The following ANKRD12 variants were observed in gnomAD, a reference collection of about 807,000 sequenced individuals.
ANKRD12 encodes the protein ankyrin repeat domain-containing protein 12.
A neutral mutation model predicts 183.4 loss-of-function variants in ANKRD12; 85 were observed. That is an observed-to-expected ratio of 0.46 (90% CI 0.39 to 0.56). The LOEUF is 0.56. Ranked by LOEUF, ANKRD12 falls within the 20% of genes least tolerant of loss-of-function variation. The pLI, the probability that ANKRD12 is intolerant of heterozygous loss-of-function variation, is 0.00. For missense variants in ANKRD12, 2,405 were observed against 2,357.1 expected, an observed-to-expected ratio of 1.02 and a Z score of -0.42; for synonymous variants, 914 against 800.2, an observed-to-expected ratio of 1.14 and a Z score of -2.40.
intron 1 of ANKRD12, among the ~76,000 whole-genome samples, chr18:9,150,285 T>TA (rs2078642983): frequency 6.6e-6 from 1 of 152,198 alleles, no homozygotes; most frequent in Non-Finnish European, 1.5e-5. Context: ...TTTATCTCGT[T>TA]TCGTCTACCA....
At chr18:9,172,467 G>T (rs993761245) in intron 1 of ANKRD12, among the ~76,000 whole-genome samples, 5 of 152,056 alleles carry the variant, frequency 3.3e-5, no homozygotes, top group Non-Finnish European at 7.4e-5. Context: ...ATTTCAGAAA[G>T]ACAGTTTTCA....
intron 10 of ANKRD12, among the ~76,000 whole-genome samples, chr18:9,272,778 T>C (rs902847211): frequency 1.3e-5 from 2 of 152,232 alleles, no homozygotes; most frequent in South Asian, 4.1e-4. Flanking sequence ...CCTACCTCTT[T>C]GAATATCGTT....
At chr18:9,240,306 T>C (rs2037586744) in intron 8 of ANKRD12, among the ~76,000 whole-genome samples, 1 of 152,204 alleles carries the variant, frequency 6.6e-6, no homozygotes, top group African/African-American at 2.4e-5. Context: ...TAGTCTTTTT[T>C]CCCCTAACTT....
intron 12 of ANKRD12, 55 bp downstream of exon 12, chr18:9,279,699 A>G (rs1481902679): frequency 8.3e-6 from 9 of 1,081,988 alleles, no homozygotes; most frequent in Non-Finnish European, 1.2e-5. Flanking sequence ...TTAAAAAAAA[A>G]AAAAACTCTA....
intron 8 of ANKRD12, among the ~76,000 whole-genome samples, chr18:9,230,574 G>A (rs1014067734): frequency 1.3e-5 from 2 of 150,724 alleles, no homozygotes; most frequent in Admixed American, 1.3e-4. Flanking sequence ...ATATTTATTT[G>A]TGTTTATTGC....
chr18:9,257,525 G>C lies in ANKRD12; in HGVS notation c.4258G>C (p.Glu1420Gln). ...TGGTGTGATCCAGAATAAATCATGG[G>C]AGATGCCTGTTGATAGACTAGAGAC... Reference protein sequence around the residue: ...QVGVIQNKSWEMPVDRLETLS... With the variant: ...QVGVIQNKSWQMPVDRLETLS... The change falls in exon 9 of 13, where the codon GAG (glutamate) becomes CAG (glutamine). Residue 1420 changes from glutamate to glutamine, a missense_variant. Around this residue, in one of 7 missense-constraint regions of ANKRD12, gnomAD observed 1,983 missense variants for 1,725.9 expected, o/e 1.15. Coordinates refer to ENST00000262126, the MANE Select transcript of ANKRD12 (RefSeq NM_015208.5). 6.2e-7 allele frequency: 1 copy of C among 1,614,068 alleles called. No homozygotes were observed.
chr18:9,167,582 T>C (rs1231934497), intron 1 of ANKRD12, among the ~76,000 whole-genome samples: 5 of 152,250 alleles, frequency 3.3e-5, no homozygotes, highest in South Asian at 2.1e-4. Flanking sequence ...CCTGAGACTT[T>C]GCTGAAGTTG....
chr18:9,275,490 G>T (rs1409275504), intron 10 of ANKRD12, 34 bp from the exon 11 acceptor site: 16 of 1,589,904 alleles, frequency 1.0e-5, no homozygotes, highest in Middle Eastern at 1.9e-4. Context: ...ATTTGTTGAA[G>T]AATTTATTTT....
chr18:9,247,464 C>T (rs541412519), intron 8 of ANKRD12, among the ~76,000 whole-genome samples: 40 of 152,040 alleles, frequency 2.6e-4, no homozygotes, highest in African/African-American at 8.9e-4. Flanking sequence ...GGGCAATGGA[C>T]GGAGACCCTA....
chr18:9,206,482 A>G (rs1435462683), intron 4 of ANKRD12, among the ~76,000 whole-genome samples: 2 of 151,950 alleles, frequency 1.3e-5, no homozygotes, highest in Non-Finnish European at 2.9e-5. Context: ...TAACTTGAAA[A>G]CGCATACTTT....
chr18:9,259,523 C>G (rs1257430725), intron 9 of ANKRD12: 1 of 152,080 alleles, frequency 6.6e-6, no homozygotes, highest in Non-Finnish European at 1.5e-5. Context: ...CTTACTCTTG[C>G]AAAGGTGATG....
chr18:9,216,500 T>C (rs994686574), intron 6 of ANKRD12, among the ~76,000 whole-genome samples: 1 of 152,238 alleles, frequency 6.6e-6, no homozygotes, highest in Non-Finnish European at 1.5e-5. Context: ...TCAAAAGTTA[T>C]ATGTGGATTT....
Position 9,221,976 on chromosome 18 carries a change from CTGA to C in ANKRD12, c.930_932del (p.Asp310del), listed in dbSNP as rs1042677794. On this transcript the variant is annotated inframe_deletion, in exon 8 of 13. Coordinates refer to ENST00000262126, the MANE Select transcript of ANKRD12 (RefSeq NM_015208.5). ...CTACTAAAAAGAGAGGTGCCTTTAT[CTGA>C]TGATGATGAAAGTTACACAGGTTTG... 1.2e-6 allele frequency: 2 copies of C among 1,613,840 alleles called. No individual in the cohort carries two copies. Among genetic ancestry groups the C allele is most frequent in the East Asian group, 2.2e-5 (1 of 44,852 alleles).
At chr18:9,152,576 TAC>T (rs2078717810) in intron 1 of ANKRD12, among the ~76,000 whole-genome samples, 1 of 152,144 alleles carries the variant, frequency 6.6e-6, no homozygotes. Context: ...TATCCACTTT[TAC>T]AGACTCTTGA....
At chr18:9,236,498 T>C (rs1369070409) in intron 8 of ANKRD12, among the ~76,000 whole-genome samples, 1 of 152,194 alleles carries the variant, frequency 6.6e-6, no homozygotes, top group Non-Finnish European at 1.5e-5. Flanking sequence ...AAGTGGGGGA[T>C]AGTCACTGTG....
chr18:9,219,587 C>T (rs934391437), intron 7 of ANKRD12, among the ~76,000 whole-genome samples: 3 of 152,050 alleles, frequency 2.0e-5, no homozygotes, highest in Non-Finnish European at 2.9e-5. Flanking sequence ...CCTTCACCTC[C>T]TCTTGCCTCC....
intron 11 of ANKRD12, among the ~76,000 whole-genome samples, 175 bp from the exon 12 acceptor site, chr18:9,279,374 C>T (rs927205337): frequency 6.6e-6 from 1 of 152,106 alleles, no homozygotes; most frequent in Non-Finnish European, 1.5e-5. Context: ...ACCAATCTGT[C>T]TACACAATGT....
intron 1 of ANKRD12, among the ~76,000 whole-genome samples, chr18:9,156,380 A>G (rs917376150): frequency 1.3e-5 from 2 of 152,186 alleles, no homozygotes; most frequent in East Asian, 3.8e-4. Context: ...AAAGCTGTAC[A>G]ATAAAAACAG....
chr18:9,249,153 A>G (rs990593527), intron 8 of ANKRD12, among the ~76,000 whole-genome samples: 2 of 152,116 alleles, frequency 1.3e-5, no homozygotes, highest in Admixed American at 1.3e-4. Flanking sequence ...GTAACTTCTG[A>G]ATAATGTGGA....
Sources: gnomAD v4.1 joint callset for allele counts (sites outside exome capture counted in the v4.1 genomes callset) on GRCh38, gnomAD v4.1.1 for gene constraint, gnomAD v4.1.1 regional missense constraint, MANE v1.5 for transcripts, NCBI Gene and HGNC (gene_info 2026-07-23, HGNC 2026-07-21) for gene names.